The following OSBPL10 variants were observed in gnomAD, a reference collection of about 807,000 sequenced individuals.
OSBPL10 encodes oxysterol binding protein like 10.
Under a neutral mutation model 81.7 loss-of-function variants are expected in OSBPL10, and 49 were observed. The observed-to-expected ratio is 0.60, with a 90% CI of 0.48 to 0.76. The LOEUF (loss-of-function observed/expected upper bound fraction) is 0.76, where lower values mean the gene tolerates loss of function less well. Among genes scored for constraint, OSBPL10 ranks in the 30% least tolerant of loss-of-function variants. OSBPL10 has a pLI of 0.00. For missense variants in OSBPL10, 923 were observed against 987.8 expected (o/e 0.93, Z 0.88); for synonymous variants, 419 against 383.6 (o/e 1.09, Z -1.08).
chr3:31,817,088 G>A (rs748306507), intron 4 of OSBPL10, among the ~76,000 whole-genome samples: 4 of 152,146 alleles, frequency 2.6e-5, no homozygotes, highest in Non-Finnish European at 5.9e-5. Context: ...GACCTCAGAG[G>A]GGAGAAAGTA....
chr3:32,049,286 G>A (rs980884870), intron 1 of OSBPL10, among the ~76,000 whole-genome samples: 1 of 152,116 alleles, frequency 6.6e-6, no homozygotes, highest in African/African-American at 2.4e-5. Flanking sequence ...GCCCTCTTGG[G>A]GTCTGGATCA....
At chr3:31,865,278 C>T (rs147791503) in intron 3 of OSBPL10, among the ~76,000 whole-genome samples, 404 of 152,328 alleles carry the variant, frequency 2.7e-3, no homozygotes, top group Non-Finnish European at 4.3e-3. Flanking sequence ...CTGTCCAATA[C>T]GCAGCCATCA....
chr3:31,843,509 C>T (rs554179669), intron 3 of OSBPL10, among the ~76,000 whole-genome samples: 59 of 152,338 alleles, frequency 3.9e-4, no homozygotes, highest in Admixed American at 2.3e-3. Flanking sequence ...AGCCTTCATC[C>T]CTGAGGCTCT....
chr3:31,662,854 G>T (rs948639580), intron 11 of OSBPL10: 11 of 985,398 alleles, frequency 1.1e-5, no homozygotes, highest in Non-Finnish European at 1.3e-5. Context: ...AAGAGAAAAG[G>T]GAGCTAACCT....
At chr3:32,072,559 T>C (rs989992227) in intron 1 of OSBPL10, among the ~76,000 whole-genome samples, 5 of 152,158 alleles carry the variant, frequency 3.3e-5, no homozygotes, top group South Asian at 2.1e-4. Context: ...GGTTACAAGC[T>C]GCTAGCCCGC....
chr3:31,794,771 T>C (rs879627195), intron 4 of OSBPL10: 4 of 311,352 alleles, frequency 1.3e-5, no homozygotes, highest in African/African-American at 2.3e-5. Flanking sequence ...AGCCCCATCT[T>C]GGGAGACATT....
intron 3 of OSBPL10, among the ~76,000 whole-genome samples, chr3:31,856,547 G>T (rs1027207900): frequency 6.6e-6 from 1 of 152,134 alleles, no homozygotes; most frequent in African/African-American, 2.4e-5. Flanking sequence ...TAAACTCATC[G>T]GAATCTATTC....
At chr3:31,983,255 C>G (rs1262413994), upstream of OSBPL10, among the ~76,000 whole-genome samples, 1 of 152,210 alleles carries the variant, frequency 6.6e-6, no homozygotes, top group African/African-American at 2.4e-5. Context: ...TAGGTGCATA[C>G]TGGACTATAA....
intron 2 of OSBPL10, among the ~76,000 whole-genome samples, chr3:31,995,509 C>T (rs564189240): frequency 6.6e-6 from 1 of 152,256 alleles, no homozygotes; most frequent in East Asian, 1.9e-4. Context: ...TTCCCTTGTT[C>T]CCTAAAATCG....
At chr3:31,934,764 T>C (rs1697340442) in intron 1 of OSBPL10, among the ~76,000 whole-genome samples, 1 of 152,078 alleles carries the variant, frequency 6.6e-6, no homozygotes, top group South Asian at 2.1e-4. Context: ...CTAAATAGTT[T>C]AAAGGAAAAA....
chr3:32,018,042 G>A (rs1182922353), intron 2 of OSBPL10, among the ~76,000 whole-genome samples: 1 of 152,018 alleles, frequency 6.6e-6, no homozygotes, highest in Non-Finnish European at 1.5e-5. Context: ...CAGCTACTCA[G>A]GGGGCTGAGG....
At position 31,831,400 on chromosome 3, in the gene OSBPL10, C is replaced by A. The variant is rs550885632; in HGVS notation, c.538-1169G>T. Among the ~76,000 whole-genome samples the A allele has an allele frequency of 1.4e-3, 205 of 150,244 alleles. No individual in the cohort carries two copies. In the Middle Eastern group the frequency reaches 0.017, roughly 13 times the overall value. On this transcript the variant is annotated intron_variant, in intron 3 of 11. Coordinates refer to ENST00000396556, the MANE Select transcript of OSBPL10 (RefSeq NM_017784.5). The stretch of plus-strand genomic sequence containing the variant: ...CAGCCTGGGCAACAAGAGCGAAACT[C>A]CGTCTCAAAAAAAAAAAAAGAAAAG...
At chr3:31,857,668 G>T (rs1700945683) in intron 3 of OSBPL10, among the ~76,000 whole-genome samples, 1 of 148,468 alleles carries the variant, frequency 6.7e-6, no homozygotes, top group Admixed American at 6.7e-5. Flanking sequence ...AATATCAAAA[G>T]GTACACCTAA....
intron 5 of OSBPL10, 34 bp downstream of exon 5, chr3:31,747,876 A>T: frequency 6.3e-7 from 1 of 1,597,946 alleles, no homozygotes. Flanking sequence ...GTGTGTACTC[A>T]TCCCAAACAT....
intron 3 of OSBPL10, among the ~76,000 whole-genome samples, chr3:31,862,851 A>G (rs1701092905): frequency 6.6e-6 from 1 of 152,228 alleles, no homozygotes; most frequent in Non-Finnish European, 1.5e-5. Context: ...TTTGGAAACC[A>G]GTCTGGTTGT....
intron 1 of OSBPL10, among the ~76,000 whole-genome samples, chr3:31,881,346 G>A (rs1473839017): frequency 3.3e-5 from 5 of 152,154 alleles, no homozygotes; most frequent in African/African-American, 7.2e-5. Flanking sequence ...CAAAGCACCC[G>A]GGTCATACAG....
chr3:31,774,802 C>T (rs1698503701), intron 4 of OSBPL10, among the ~76,000 whole-genome samples: 1 of 150,812 alleles, frequency 6.6e-6, no homozygotes, highest in South Asian at 2.1e-4. Flanking sequence ...TGAGCCACTG[C>T]TCCTGGCCAG....
At chr3:31,744,786 G>GAAA (rs1553620553) in intron 5 of OSBPL10, among the ~76,000 whole-genome samples, 25 of 147,038 alleles carry the variant, frequency 1.7e-4, no homozygotes, top group Admixed American at 2.7e-4. Flanking sequence ...TGAAAATTAG[G>GAAA]AAAAAAAAAA....
chr3:31,736,966 C>A (rs540021088), intron 5 of OSBPL10, among the ~76,000 whole-genome samples: 24 of 152,338 alleles, frequency 1.6e-4, no homozygotes, highest in African/African-American at 5.3e-4. Flanking sequence ...TCCCTCCATT[C>A]TTCCCACACC....
Sources: gnomAD v4.1 joint callset for allele counts (sites outside exome capture counted in the v4.1 genomes callset) on GRCh38, gnomAD v4.1.1 for gene constraint, MANE v1.5 for transcripts, NCBI Gene and HGNC (gene_info 2026-07-23, HGNC 2026-07-21) for gene names.